Variants in PCDHA4 observed in about 807,000 individuals in gnomAD.
PCDHA4 encodes the protein protocadherin alpha-4.
PCDHA4 carries 49 observed loss-of-function variants against 61.4 expected under a neutral mutation model. That is an observed-to-expected ratio of 0.80 (90% CI 0.63 to 1.01). The LOEUF (loss-of-function observed/expected upper bound fraction) is 1.01. Among genes scored for constraint, PCDHA4 ranks in the 50% least tolerant of loss-of-function variants. The pLI, the probability that PCDHA4 is intolerant of heterozygous loss-of-function variation, is 0.00. For synonymous variants in PCDHA4, 590 were observed against 550.3 expected (o/e 1.07, Z -1.01); for missense variants, 1,254 against 1,235.8 (o/e 1.01, Z -0.22).
chr5:140,941,284 TTCTC>T (rs1234192371), intron 1 of PCDHA4, among the ~76,000 whole-genome samples: 2 of 124,572 alleles, frequency 1.6e-5, no homozygotes, highest in African/African-American at 2.8e-5. Flanking sequence ...CTTCCTTCCT[TTCTC>T]TTTCTTTCTT....
chr5:140,853,541 G>A, intron 1 of PCDHA4: 2 of 979,320 alleles, frequency 2.0e-6, no homozygotes, highest in Non-Finnish European at 2.5e-6. Context: ...TTTTCAAGTT[G>A]TAATTACTAT....
At chr5:140,882,732 A>G (rs782399296) in intron 1 of PCDHA4, 3 of 1,614,228 alleles carry the variant, frequency 1.9e-6, no homozygotes, top group Non-Finnish European at 2.5e-6. Context: ...TTTCCACTAG[A>G]TGGCGCATCC....
At position 140,822,525 on chromosome 5, in the gene PCDHA4, G is replaced by T. The variant is rs1479400729; in HGVS notation, c.2385+12953G>T. On this transcript the variant is annotated intron_variant, in intron 1 of 3. Coordinates refer to ENST00000530339, the MANE Select transcript of PCDHA4 (RefSeq NM_018907.4). ...ATAAATCCATTTATAATGTCAGATT[G>T]TTGGAAAATGCACCAAGTGGGACAT... 5.0e-6 allele frequency: 8 copies of T among 1,613,810 alleles called. No homozygotes were observed. In the East Asian group the frequency reaches 1.8e-4, roughly 36 times the overall value.
At chr5:140,823,516 C>A in intron 1 of PCDHA4, 7 of 1,613,468 alleles carry the variant, frequency 4.3e-6, no homozygotes, top group Non-Finnish European at 5.9e-6. Flanking sequence ...CGAGCTGGTG[C>A]CGAGGTCAGT....
At chr5:140,874,958 A>G (rs2055195313) in intron 1 of PCDHA4, among the ~76,000 whole-genome samples, 1 of 152,242 alleles carries the variant, frequency 6.6e-6, no homozygotes, top group South Asian at 2.1e-4. Flanking sequence ...TGTAAGCTAT[A>G]TAAGGGGAGG....
intron 1 of PCDHA4, chr5:140,927,555 C>G: frequency 6.2e-7 from 1 of 1,614,176 alleles, no homozygotes. Context: ...AAGTCACCAT[C>G]ATTGTGGTGG....
Position 140,855,567 on chromosome 5 carries a change from G to A in PCDHA4, c.2385+45995G>A, listed in dbSNP as rs568752755. Among the ~76,000 whole-genome samples the A allele has an allele frequency of 4.8e-4, 72 of 149,884 alleles. 4 individuals carry two copies. In the South Asian group the frequency reaches 0.014, roughly 30 times the overall value. ...TCAGAACTTAAATGGAACTAAAGTT[G>A]TCATTTAATAAAATATTAGTATACT... On this transcript the variant is annotated intron_variant, in intron 1 of 3. Coordinates refer to ENST00000530339, the MANE Select transcript of PCDHA4 (RefSeq NM_018907.4).
At chr5:140,871,350 C>G (rs782168219) in intron 1 of PCDHA4, 1 of 1,614,194 alleles carries the variant, frequency 6.2e-7, no homozygotes, top group East Asian at 2.2e-5. Context: ...GCTGGTCATA[C>G]TCGCAGCAGA....
chr5:140,937,838 G>A (rs757526914), intron 1 of PCDHA4, among the ~76,000 whole-genome samples: 3 of 150,986 alleles, frequency 2.0e-5, no homozygotes, highest in Non-Finnish European at 2.9e-5. Context: ...CATGAACCTG[G>A]AAGGCGGAAC....
At chr5:140,914,929 G>A (rs1167844428) in intron 1 of PCDHA4, among the ~76,000 whole-genome samples, 2 of 145,306 alleles carry the variant, frequency 1.4e-5, no homozygotes, top group African/African-American at 5.0e-5. Flanking sequence ...ATTGTACTAT[G>A]TTGTGAAAAG....
At chr5:140,976,403 TA>T (rs1469780321) in intron 1 of PCDHA4, among the ~76,000 whole-genome samples, 1 of 151,936 alleles carries the variant, frequency 6.6e-6, no homozygotes, top group Non-Finnish European at 1.5e-5. Flanking sequence ...ATTCAAAAAT[TA>T]GCCAGGTACG....
rs1004548473 is a variant in PCDHA4 at position 141,011,507 on chromosome 5, G to T, written c.*1570G>T. Reference sequence around the variant, plus strand: ...CCTTTTGTACACCTGTGAAAAAGTGGAGTAGTGTTTTTTTAACCATTGTTA... The same window carrying T: ...CCTTTTGTACACCTGTGAAAAAGTGTAGTAGTGTTTTTTTAACCATTGTTA... On this transcript the variant is annotated 3_prime_UTR_variant, in exon 4 of 4. Transcript: ENST00000530339. 5.2e-5 allele frequency: 8 copies of T among 153,740 alleles called. No individual in the cohort carries two copies. The highest frequency in any genetic ancestry group is 1.9e-4 in the African/African-American group (8 of 41,440). The allele number at this position is 153,740 out of a possible 1,614,324, so 9.5% of individuals were successfully genotyped here. A position where few individuals can be genotyped will look rare whatever the true frequency, so the allele number is the denominator to read the frequency against.
intron 1 of PCDHA4, chr5:140,926,553 A>T: frequency 4.3e-6 from 1 of 233,838 alleles, no homozygotes; most frequent in East Asian, 9.1e-5. Context: ...TCGAGACCCC[A>T]GCCCGCTGCT....
chr5:140,990,172 TGA>T (rs1341832599), intron 3 of PCDHA4, among the ~76,000 whole-genome samples: 1 of 152,022 alleles, frequency 6.6e-6, no homozygotes, highest in Non-Finnish European at 1.5e-5. Context: ...TATGAAAAGG[TGA>T]CTTTTAAGAA....
At chr5:140,967,690 C>T (rs782694266) in intron 1 of PCDHA4, 1 of 1,614,190 alleles carries the variant, frequency 6.2e-7, no homozygotes, top group Admixed American at 1.7e-5. Flanking sequence ...GGCAGCTCTT[C>T]AGCATAGATG....
chr5:140,829,713 G>A (rs2150173185), intron 1 of PCDHA4: 2 of 1,613,488 alleles, frequency 1.2e-6, no homozygotes, highest in South Asian at 1.1e-5. Flanking sequence ...CGCGACGCGG[G>A]CGTGCCGCCT....
intron 1 of PCDHA4, chr5:140,849,713 G>T (rs2150446260): frequency 1.9e-6 from 3 of 1,598,578 alleles, no homozygotes; most frequent in Non-Finnish European, 2.6e-6. Context: ...ATTACTACTC[G>T]TTGGTGCTGG....
chr5:140,824,019 G>T, intron 1 of PCDHA4: 4 of 1,614,082 alleles, frequency 2.5e-6, no homozygotes, highest in Non-Finnish European at 3.4e-6. Context: ...GGAGCTGGTC[G>T]TACTCGCAGC....
At chr5:140,968,507 T>A in intron 1 of PCDHA4, 1 of 1,614,178 alleles carries the variant, frequency 6.2e-7, no homozygotes, top group South Asian at 1.1e-5. Context: ...TCACATTCTG[T>A]ACCCTACCTC....
Sources: allele counts gnomAD v4.1 joint callset (sites outside exome capture counted in the v4.1 genomes callset), GRCh38; gene constraint gnomAD v4.1.1; transcripts MANE v1.5; gene names NCBI Gene and HGNC (gene_info 2026-07-23, HGNC 2026-07-21).